Variants in AXIN2 observed in about 807,000 individuals in gnomAD.
AXIN2 encodes the protein axin-2.
AXIN2 carries 21 observed loss-of-function variants against 74.7 expected under a neutral mutation model. That is an observed-to-expected ratio of 0.28 (90% CI 0.20 to 0.40). The LOEUF (loss-of-function observed/expected upper bound fraction) is 0.40, where lower values mean the gene tolerates loss of function less well. Among genes scored for constraint, AXIN2 ranks in the 10% least tolerant of loss-of-function variants. The probability of loss-of-function intolerance (pLI) is 1.00; values close to 1 mark genes in which losing one functional copy is unlikely to be tolerated. For missense variants in AXIN2, 1,144 were observed against 1,111.1 expected (o/e 1.03, Z -0.42); for synonymous variants, 532 against 454.9 (o/e 1.17, Z -2.16).
chr17:65,533,864 G>A lies in AXIN2; in HGVS notation c.2405+48C>T, dbSNP rs761442775. 1.6e-5 allele frequency: 25 copies of A among 1,591,296 alleles called. No homozygotes were observed. In the South Asian group the frequency reaches 2.6e-4, roughly 16 times the overall value. On this transcript the variant is annotated intron_variant, in intron 10 of 10. Transcript: ENST00000307078. ...GAGCTGCTCCAGGCTCTGGCTCTTGGTTCTGAGCAAACAAACTGAGAGCAG... is the reference window on the plus strand; with the variant it reads ...GAGCTGCTCCAGGCTCTGGCTCTTGATTCTGAGCAAACAAACTGAGAGCAG...
At chr17:65,537,951 C>T (rs1338382163) in intron 5 of AXIN2, 116 bp from the exon 6 acceptor site, 8 of 1,412,224 alleles carry the variant, frequency 5.7e-6, no homozygotes, top group Non-Finnish European at 7.7e-6. Context: ...TGCACGCCCA[C>T]AGCCACGCCC....
chr17:65,536,478 A>G lies in AXIN2; in HGVS notation c.1983T>C (p.His661=), dbSNP rs199724028. 5 of 1,613,876 alleles carry G rather than the reference A, an allele frequency of 3.1e-6. No individual in the cohort carries two copies. The East Asian group carries it at 8.9e-5, about 29-fold the overall frequency. ...SSPGERASRH[H]LWGGNSGHPR... is the part of the protein sequence containing the mutation. The stretch of plus-strand genomic sequence containing the variant: ...GGTGCCCGCTGTTGCCCCCCCACAG[A>G]TGGTGCCGGCTGGCTCGTTCGCCTG... The change falls in exon 8 of 11, where the codon CAT becomes CAC. Residue 661 remains histidine (H), a synonymous_variant. Coordinates refer to ENST00000307078, the MANE Select transcript of AXIN2 (RefSeq NM_004655.4).
At chr17:65,552,439 C>T (rs760101052) in intron 2 of AXIN2, among the ~76,000 whole-genome samples, 15 of 152,192 alleles carry the variant, frequency 9.9e-5, no homozygotes, top group African/African-American at 3.4e-4. Flanking sequence ...AGGATGCACA[C>T]GATGACTTCC....
At chr17:65,552,030 C>A (rs115125088) in intron 2 of AXIN2, among the ~76,000 whole-genome samples, 1,165 of 39,838 alleles carry the variant, frequency 0.029, 8 homozygotes, top group Non-Finnish European at 0.039. Flanking sequence ...AGTCTCACGA[C>A]CTCCTGGGAT....
chr17:65,533,261 A>G (rs912438699), intron 10 of AXIN2, among the ~76,000 whole-genome samples: 3 of 152,178 alleles, frequency 2.0e-5, no homozygotes, highest in Admixed American at 6.5e-5. Context: ...CCAGGCCTGG[A>G]CAGGAGGAGT....
intron 10 of AXIN2, among the ~76,000 whole-genome samples, chr17:65,533,205 G>A (rs1000956152): frequency 3.9e-5 from 6 of 152,198 alleles, no homozygotes; most frequent in African/African-American, 1.4e-4. Flanking sequence ...AAGGAGACCA[G>A]GAAGTTCCCT....
chr17:65,561,139 C>A (rs2044366581), intron 1 of AXIN2: 1 of 150,074 alleles, frequency 6.7e-6, no homozygotes, highest in African/African-American at 2.4e-5. Context: ...AGTCACTCGG[C>A]GCACCAAATG....
At chr17:65,534,559 G>A (rs1003351410) in intron 9 of AXIN2, among the ~76,000 whole-genome samples, 1 of 152,188 alleles carries the variant, frequency 6.6e-6, no homozygotes, top group Non-Finnish European at 1.5e-5. Flanking sequence ...AGCAGAATGA[G>A]AACAACTAAT....
At chr17:65,541,633 G>T in intron 3 of AXIN2, 76 bp from the exon 4 acceptor site, 1 of 1,227,230 alleles carries the variant, frequency 8.1e-7, no homozygotes, top group African/African-American at 1.5e-5. Context: ...ACTGTCATAT[G>T]CCATCTTGAG....
At chr17:65,536,671 A>C in intron 7 of AXIN2, 118 bp from the exon 8 acceptor site, 3 of 1,405,164 alleles carry the variant, frequency 2.1e-6, no homozygotes, top group Non-Finnish European at 3.0e-6. Flanking sequence ...TAAAAAAAAA[A>C]CTACCATAAC....
At chr17:65,538,132 T>G (rs8078753) in intron 5 of AXIN2, 71 bp downstream of exon 5, 178 of 1,610,462 alleles carry the variant, frequency 1.1e-4, no homozygotes, top group African/African-American at 2.3e-4. Context: ...ACGCACCCCA[T>G]GCACATGCGC....
At chr17:65,530,975 CT>C (rs1340949505) in intron 10 of AXIN2, among the ~76,000 whole-genome samples, 1 of 152,232 alleles carries the variant, frequency 6.6e-6, no homozygotes, top group Non-Finnish European at 1.5e-5. Flanking sequence ...AGGCCCACCC[CT>C]AAACCCCTTC....
intron 9 of AXIN2, among the ~76,000 whole-genome samples, chr17:65,535,153 G>A (rs2043887013): frequency 6.6e-6 from 1 of 152,154 alleles, no homozygotes; most frequent in Non-Finnish European, 1.5e-5. Context: ...AAACGAGCAG[G>A]CTCCTCAACC....
In AXIN2 at chr17:65,553,845, GGC is replaced by G. The variant is rs1251559270; in HGVS notation, c.815+3959_815+3960del. On this transcript the variant is annotated intron_variant, in intron 2 of 10. Coordinates refer to ENST00000307078, the MANE Select transcript of AXIN2 (RefSeq NM_004655.4). ...TTTCTTGTGATTACTTAAAAAAAAAGGCGGGGGGGGGGGGAGGAAACTCAAAC... is the reference window on the plus strand; with the variant it reads ...TTTCTTGTGATTACTTAAAAAAAAAGGGGGGGGGGGGGAGGAAACTCAAAC... Among the ~76,000 whole-genome samples, 24 of 107,324 alleles carry G rather than the reference GGC, an allele frequency of 2.2e-4. 1 individual carries two copies. In the East Asian group the frequency reaches 7.2e-3, roughly 32 times the overall value. The allele number at this position is 107,324 out of a possible 152,430, so 70.4% of individuals were successfully genotyped here.
chr17:65,538,273 C>T lies in AXIN2; in HGVS notation c.1130G>A (p.Arg377Lys), dbSNP rs1555578512. ...PATFAAELIS[R>K]LEKLKLELES... The stretch of plus-strand genomic sequence containing the variant: ...CAACTCCAGCTTCAGCTTTTCCAGC[C>T]TCGAGATCAGCTCAGCTGCAAAGGT... The change falls in exon 5 of 11, where the codon AGG becomes AAG. Residue 377 changes from arginine (R) to lysine (K), a missense_variant. This residue lies in a region of AXIN2 where 1,053 missense variants were observed against 973.5 expected (regional missense o/e 1.08). Coordinates refer to ENST00000307078, the MANE Select transcript of AXIN2 (RefSeq NM_004655.4). 2.5e-6 allele frequency: 4 copies of T among 1,614,210 alleles called. No individual in the cohort carries two copies. The highest frequency in any genetic ancestry group is 3.4e-6 in the Non-Finnish European group (4 of 1,180,036).
chr17:65,540,888 G>GT (rs2044031300), intron 4 of AXIN2, among the ~76,000 whole-genome samples: 2 of 144,004 alleles, frequency 1.4e-5, no homozygotes, highest in South Asian at 4.5e-4. Flanking sequence ...TCTTTTCTTT[G>GT]TTTTTTCTTT....
At chr17:65,530,606 T>C (rs2043800359) in intron 10 of AXIN2, among the ~76,000 whole-genome samples, 2 of 152,154 alleles carry the variant, frequency 1.3e-5, no homozygotes. Context: ...GACTTCCAGA[T>C]GGTTTAGCAG....
intron 2 of AXIN2, among the ~76,000 whole-genome samples, chr17:65,553,847 C>G (rs191577144): frequency 0.015 from 1,193 of 77,882 alleles, no homozygotes; most frequent in Non-Finnish European, 0.016. Context: ...AAAAAAAAGG[C>G]GGGGGGGGGG....
chr17:65,530,236 A>T (rs2043794587), intron 10 of AXIN2, 134 bp from the exon 11 acceptor site: 3 of 1,231,614 alleles, frequency 2.4e-6, no homozygotes, highest in Non-Finnish European at 3.5e-6. Flanking sequence ...ACTGTTGCGC[A>T]CATCTGCTTT....
Sources: gnomAD v4.1 joint callset for allele counts (sites outside exome capture counted in the v4.1 genomes callset) on GRCh38, gnomAD v4.1.1 for gene constraint, gnomAD v4.1.1 regional missense constraint, MANE v1.5 for transcripts, NCBI Gene and HGNC (gene_info 2026-07-23, HGNC 2026-07-21) for gene names.